The following SZT2 variants were observed in gnomAD, a reference collection of about 807,000 sequenced individuals.
SZT2 encodes the protein KICSTOR complex protein SZT2.
A neutral mutation model predicts 404.2 loss-of-function variants in SZT2; 216 were observed. The observed-to-expected ratio is 0.53, with a 90% CI of 0.48 to 0.60. SZT2 has a LOEUF of 0.60. SZT2 is among the 20% of genes least tolerant of loss of function. The pLI is 0.00. For synonymous variants in SZT2, 1,693 were observed against 1,749.9 expected, an observed-to-expected ratio of 0.97 and a Z score of 0.81; for missense variants, 3,857 against 4,459.2, an observed-to-expected ratio of 0.86 and a Z score of 3.85.
chr1:43,418,156 A>G lies in SZT2; in HGVS notation c.879+1515A>G, dbSNP rs1557537002. 2.0e-5 allele frequency among the ~76,000 whole-genome samples: 3 copies of G among 152,188 alleles called. No homozygotes were observed. In the South Asian group the frequency reaches 6.2e-4, roughly 32 times the overall value. On this transcript the variant is annotated intron_variant, in intron 7 of 71. Coordinates refer to ENST00000634258, the MANE Select transcript of SZT2 (RefSeq NM_001365999.1). ...GGATAGAAGGAAGGAAATAGGGACA[A>G]GTGTTGACAAAAGAAATTTGGCTGT...
chr1:43,415,960 G>A lies in SZT2; in HGVS notation c.631G>A (p.Ala211Thr), dbSNP rs760473250. 3.5e-5 allele frequency: 56 copies of A among 1,596,268 alleles called. No homozygotes were observed. Among genetic ancestry groups the A allele is most frequent in the Non-Finnish European group, 9.3e-6 (11 of 1,178,932 alleles). The change falls in exon 6 of 72, where the codon GCA (alanine) becomes ACA (threonine). Residue 211 changes from alanine to threonine, a missense_variant and splice_region_variant. Around this residue, in one of 7 missense-constraint regions of SZT2, gnomAD observed 536 missense variants for 637.4 expected, o/e 0.84. Coordinates refer to ENST00000634258, the MANE Select transcript of SZT2 (RefSeq NM_001365999.1). ...LQQQYDPQSQ[A>T]EDQSPDSGDL... The stretch of plus-strand genomic sequence containing the variant: ...CTGTCTTTTCTGTAACTTGGGGCAG[G>A]CAGAAGACCAGTCCCCAGACTCAGG...
chr1:43,419,773 G>A lies in SZT2; in HGVS notation c.919G>A (p.Val307Met). The change falls in exon 8 of 72, where the codon GTG becomes ATG. Residue 307 changes from valine to methionine, a missense_variant. Val to Met is a conservative substitution (Grantham distance 21). Coordinates refer to ENST00000634258, the MANE Select transcript of SZT2 (RefSeq NM_001365999.1). ...VYSYDCSFGH[V>M]PNVELMKFIA... is the part of the protein sequence containing the mutation. ...CTCTTATGACTGCAGTTTTGGCCAT[G>A]TGCCCAATGTGGAATTAATGAAGTT... The A allele has an allele frequency of 6.3e-7, 1 of 1,598,452 alleles. No individual in the cohort carries two copies. The highest frequency in any genetic ancestry group is 8.5e-7 in the Non-Finnish European group (1 of 1,179,816).
intron 1 of SZT2, among the ~76,000 whole-genome samples, chr1:43,400,099 G>A (rs1008845959): frequency 2.0e-5 from 3 of 151,530 alleles, no homozygotes; most frequent in Non-Finnish European, 4.4e-5. Context: ...CCACCATGCC[G>A]AGCTAATTTT....
intron 33 of SZT2, 41 bp downstream of exon 33, chr1:43,431,131 G>C: frequency 6.2e-7 from 1 of 1,604,334 alleles, no homozygotes; most frequent in Admixed American, 1.7e-5. Flanking sequence ...GACCTTTTTA[G>C]GGTAGGGGGA....
At position 43,420,178 on chromosome 1, in the gene SZT2, G is replaced by A; in HGVS notation, c.1116G>A (p.Glu372=). Residue 372 remains glutamate (E), a synonymous_variant, in exon 9 of 72, where the codon GAG becomes GAA. Transcript: ENST00000634258. The surrounding 1 kb of genome is among the most constrained non-coding windows in gnomAD (Gnocchi z 5.1). ...YCGSQHRLFN[E]HLVSASSNPA... is the part of the protein sequence containing the mutation. ...GCTCTCAGCACCGCCTATTTAATGA[G>A]CACCTGGTCTCTGCAAGCAGCAACC... 6.3e-7 allele frequency: 1 copy of A among 1,598,418 alleles called. No homozygotes were observed.
rs1202788016 is a variant in SZT2 at position 43,423,106 on chromosome 1, C to G, written c.2045C>G (p.Ser682Ter). The change falls in exon 15 of 72, where the codon TCA becomes TGA. Residue 682 changes from serine (S) to a stop codon, truncating the protein, a stop_gained. Transcript: ENST00000634258. LOFTEE classifies it high-confidence loss of function. ...ACCACATTTTCCCCTCAGATTGTGT[C>G]AGGCTTGAGGGAAGAGATCCTGCGG... ...TPAPARHKIV[S>*]GLREEILRLR... The G allele has an allele frequency of 6.3e-7, 1 of 1,590,376 alleles. No homozygotes were observed. The highest frequency in any genetic ancestry group is 8.5e-7 in the Non-Finnish European group (1 of 1,176,168).
chr1:43,432,505 C>A lies in SZT2; in HGVS notation c.5443-12C>A. 6.3e-7 allele frequency: 1 copy of A among 1,598,030 alleles called. No individual in the cohort carries two copies. The highest frequency in any genetic ancestry group is 8.5e-7 in the Non-Finnish European group (1 of 1,172,944). On this transcript the variant is annotated splice_polypyrimidine_tract_variant and intron_variant, in intron 37 of 71. Coordinates refer to ENST00000634258, the MANE Select transcript of SZT2 (RefSeq NM_001365999.1). Reference sequence around the variant, plus strand: ...GGGGCCTATACCTCAGTCCTGACTTCCTATTCCTCAGACCCTGACAGCCAG... The same window carrying A: ...GGGGCCTATACCTCAGTCCTGACTTACTATTCCTCAGACCCTGACAGCCAG...
rs370266384 is a variant in SZT2 at position 43,426,708 on chromosome 1, A to C, written c.3215-7A>C. 1 of 1,602,742 alleles carries C rather than the reference A, an allele frequency of 6.2e-7. No individual in the cohort carries two copies. ...CCCTCTTTCACCCATCTCTACCCCC[A>C]TTGTAGGTGCCGAGGGGCCACTGCT... On this transcript the variant is annotated splice_region_variant and splice_polypyrimidine_tract_variant and intron_variant, in intron 22 of 71. Transcript: ENST00000634258. The surrounding 1 kb of genome is among the most constrained non-coding windows in gnomAD (Gnocchi z 4.9).
intron 26 of SZT2, 26 bp downstream of exon 26, chr1:43,427,760 G>A (rs752206720): frequency 1.2e-6 from 2 of 1,608,650 alleles, no homozygotes; most frequent in Non-Finnish European, 1.7e-6. Flanking sequence ...GTTGACCTAA[G>A]TCCTCGCCGG....
In SZT2 at chr1:43,427,704, C is replaced by T; in HGVS notation, c.3773C>T (p.Pro1258Leu). 1 of 1,613,898 alleles carries T rather than the reference C, an allele frequency of 6.2e-7. No homozygotes were observed. ...ALREQMVGMQ[P>L]PQAPRDLIFR... is the part of the protein sequence containing the mutation. The stretch of plus-strand genomic sequence containing the variant: ...AGGGAACAAATGGTTGGCATGCAGC[C>T]CCCTCAGGCGCCCCGAGACCTCATC... Residue 1258 changes from proline (P) to leucine (L), a missense_variant, in exon 26 of 72, where the codon CCC becomes CTC. Physicochemically the swap from Pro to Leu is moderately conservative, Grantham distance 98 (BLOSUM62 -3). This residue lies in a region of SZT2 where 1,725 missense variants were observed against 1,881.0 expected (regional missense o/e 0.92). Coordinates refer to ENST00000634258, the MANE Select transcript of SZT2 (RefSeq NM_001365999.1).
In SZT2 at chr1:43,437,135, G is replaced by A. The variant is rs749273450; in HGVS notation, c.6035-36G>A. 13 of 1,610,872 alleles carry A rather than the reference G, an allele frequency of 8.1e-6. No homozygotes were observed. The highest frequency in any genetic ancestry group is 1.1e-5 in the Non-Finnish European group (13 of 1,178,184). On this transcript the variant is annotated intron_variant, in intron 42 of 71. Transcript: ENST00000634258. The surrounding 1 kb of genome is among the most constrained non-coding windows in gnomAD (Gnocchi z 5.3). ...AAGTCTGTGGAGGGCAGAGGGTGGTGTGTCCCATTTCTAATCCCTGCTCCC... is the reference window on the plus strand; with the variant it reads ...AAGTCTGTGGAGGGCAGAGGGTGGTATGTCCCATTTCTAATCCCTGCTCCC...
chr1:43,423,321 G>A lies in SZT2; in HGVS notation c.2255+5G>A. 1 of 1,527,386 alleles carries A rather than the reference G, an allele frequency of 6.5e-7. No homozygotes were observed. Among genetic ancestry groups the A allele is most frequent in the Non-Finnish European group, 8.7e-7 (1 of 1,146,620 alleles). 94.6% of individuals were successfully genotyped at this position (1,527,386 alleles called of 1,614,324 possible). ...ACTGGACAAACTGCTCATCAGGTTG[G>A]TACAGAGGTGTGGAAGGGCGTGGCT... On this transcript the variant is annotated splice_donor_5th_base_variant and intron_variant, in intron 15 of 71. Transcript: ENST00000634258.
chr1:43,424,448 C>T lies in SZT2; in HGVS notation c.2471+16C>T. The stretch of plus-strand genomic sequence containing the variant: ...TCCTCACTGAGTATGTCATCCAAGC[C>T]TGCCAGGTCACTCGGGGCAAGGAGA... On this transcript the variant is annotated intron_variant, in intron 16 of 71. Coordinates refer to ENST00000634258, the MANE Select transcript of SZT2 (RefSeq NM_001365999.1). The surrounding 1 kb of genome is among the most constrained non-coding windows in gnomAD (Gnocchi z 4.1). The T allele has an allele frequency of 6.3e-7, 1 of 1,596,042 alleles. No individual in the cohort carries two copies. The highest frequency in any genetic ancestry group is 1.3e-5 in the African/African-American group (1 of 74,932).
chr1:43,397,788 C>CG (rs1302115067), intron 1 of SZT2, among the ~76,000 whole-genome samples: 1 of 152,132 alleles, frequency 6.6e-6, no homozygotes, highest in Non-Finnish European at 1.5e-5. Context: ...CCCGGCCTCC[C>CG]AAAGTGCTGG....
rs1335701770 is a variant in SZT2 at position 43,442,754 on chromosome 1, C to G, written c.8152-65C>G. Reference sequence around the variant, plus strand: ...GGAGGGAGAGTCTGAGAGAGGAAGCCCTGGGATGAGAGAGAGGGTCCGAGG... The same window carrying G: ...GGAGGGAGAGTCTGAGAGAGGAAGCGCTGGGATGAGAGAGAGGGTCCGAGG... On this transcript the variant is annotated intron_variant, in intron 58 of 71. Coordinates refer to ENST00000634258, the MANE Select transcript of SZT2 (RefSeq NM_001365999.1). The surrounding 1 kb of genome is among the most constrained non-coding windows in gnomAD (Gnocchi z 4.5). 1.3e-6 allele frequency: 2 copies of G among 1,540,540 alleles called. No individual in the cohort carries two copies. Among genetic ancestry groups the G allele is most frequent in the South Asian group, 1.3e-5 (1 of 79,884 alleles).
intron 35 of SZT2, 94 bp from the exon 36 acceptor site, chr1:43,431,622 C>CA: frequency 6.3e-7 from 1 of 1,594,674 alleles, no homozygotes; most frequent in African/African-American, 1.3e-5. Flanking sequence ...AGGCCTCTCT[C>CA]AGTCTGTGAG....
chr1:43,446,351 T>C lies in SZT2; in HGVS notation c.9007T>C (p.Phe3003Leu), dbSNP rs967881504. 3.7e-6 allele frequency: 6 copies of C among 1,614,150 alleles called. No individual in the cohort carries two copies. In the African/African-American group the frequency reaches 5.3e-5, roughly 14 times the overall value. The change falls in exon 65 of 72, where the codon TTC (phenylalanine) becomes CTC (leucine). Residue 3003 changes from phenylalanine to leucine, a missense_variant. Coordinates refer to ENST00000634258, the MANE Select transcript of SZT2 (RefSeq NM_001365999.1). ...LMELAFQGCY[F>L]CVKQFALECS... ...TTCACCTTCCCTCCAGGGCTGTTAC[T>C]TCTGTGTCAAACAGTTTGCCCTGGA...
At position 43,443,782 on chromosome 1, in the gene SZT2, C is replaced by G. The variant is rs748298194; in HGVS notation, c.8811C>G (p.Pro2937=). The G allele has an allele frequency of 4.3e-6, 7 of 1,613,494 alleles. No individual in the cohort carries two copies. Among genetic ancestry groups the G allele is most frequent in the African/African-American group, 2.7e-5 (2 of 74,906 alleles). Reference sequence around the variant, plus strand: ...TTGTGCTGGTACCACTGCGGCCCCCCTCACCCGCCCGCAGGTGAGCCCGTC... The same window carrying G: ...TTGTGCTGGTACCACTGCGGCCCCCGTCACCCGCCCGCAGGTGAGCCCGTC... ...IGFVLVPLRP[P]SPARSTSRPR... The change falls in exon 62 of 72, where the codon CCC becomes CCG. Residue 2937 remains proline, a synonymous_variant. Transcript: ENST00000634258.
At position 43,454,049 on chromosome 1, in the gene SZT2, A is replaced by G. The variant is rs1426689185; in HGVS notation, c.*3569A>G. 8 of 1,144,812 alleles carry G rather than the reference A, an allele frequency of 7.0e-6. No homozygotes were observed. Among genetic ancestry groups the G allele is most frequent in the African/African-American group, 3.3e-5 (2 of 61,446 alleles). 70.9% of individuals were successfully genotyped at this position (1,144,812 alleles called of 1,614,324 possible). A position where few individuals can be genotyped will look rare whatever the true frequency, so the allele number is the denominator to read the frequency against. ...GAAAAGGAGCAGGACCCGCGCCTGG[A>G]GAAGGTAGGGAGGCCGAGCTCCAGG... On this transcript the variant is annotated 3_prime_UTR_variant, in exon 72 of 72. Coordinates refer to ENST00000634258, the MANE Select transcript of SZT2 (RefSeq NM_001365999.1).
Sources: allele counts gnomAD v4.1 joint callset (sites outside exome capture counted in the v4.1 genomes callset), GRCh38; gene constraint gnomAD v4.1.1; regional missense constraint gnomAD v4.1.1; non-coding constraint Gnocchi (gnomAD v3.1); transcripts MANE v1.5; gene names NCBI Gene and HGNC (gene_info 2026-07-23, HGNC 2026-07-21).